Variants in TSNARE1 observed in about 807,000 individuals in gnomAD.
TSNARE1 encodes t-SNARE domain containing 1.
A neutral mutation model predicts 62.0 loss-of-function variants in TSNARE1; 49 were observed. The observed-to-expected ratio is 0.79, with a 90% confidence interval of 0.63 to 1.00. The LOEUF (loss-of-function observed/expected upper bound fraction) is 1.00. TSNARE1 is among the 50% of genes least tolerant of loss of function. TSNARE1 has a pLI of 0.00. For synonymous variants in TSNARE1, 328 were observed against 294.4 expected (o/e 1.11, Z -1.17); for missense variants, 755 against 700.1 (o/e 1.08, Z -0.88).
intron 6 of TSNARE1, among the ~76,000 whole-genome samples, chr8:142,320,536 C>A (rs189122953): frequency 6.6e-6 from 1 of 152,184 alleles, no homozygotes; most frequent in African/African-American, 2.4e-5. Flanking sequence ...TCTAGGCCCA[C>A]GTGGGTGGCC....
chr8:142,256,364 CCATCAT>C (rs1471921593), intron 12 of TSNARE1, among the ~76,000 whole-genome samples: 2 of 126,536 alleles, frequency 1.6e-5, no homozygotes, highest in Admixed American at 7.9e-5. Context: ...ATTATCACCA[CCATCAT>C]CACCACCATC....
At chr8:142,253,237 T>A (rs1563778692) in intron 12 of TSNARE1, among the ~76,000 whole-genome samples, 2 of 152,152 alleles carry the variant, frequency 1.3e-5, no homozygotes, top group African/African-American at 2.4e-5. Context: ...ACAGCAGTGG[T>A]GACGGCGGTG....
chr8:142,237,991 C>G (rs1232520208), intron 12 of TSNARE1, among the ~76,000 whole-genome samples: 2 of 152,112 alleles, frequency 1.3e-5, no homozygotes, highest in Admixed American at 1.3e-4. Flanking sequence ...GCCCACGCCA[C>G]CCGCCCAGGT....
At chr8:142,336,466 A>G (rs1403808520) in intron 4 of TSNARE1, among the ~76,000 whole-genome samples, 2 of 152,286 alleles carry the variant, frequency 1.3e-5, no homozygotes, top group South Asian at 2.1e-4. Flanking sequence ...AACCACAAAT[A>G]TAATAGAAAT....
intron 7 of TSNARE1, 150 bp from the exon 8 acceptor site, chr8:142,315,242 G>T: frequency 1.3e-6 from 1 of 765,958 alleles, no homozygotes; most frequent in Non-Finnish European, 2.1e-6. Flanking sequence ...TGTCACCGTC[G>T]TCTCCACAGG....
chr8:142,311,289 A>AGTTTT (rs1827545366), intron 9 of TSNARE1, among the ~76,000 whole-genome samples: 1 of 68,800 alleles, frequency 1.5e-5, no homozygotes, highest in African/African-American at 7.3e-5. Context: ...CAGCCTCTCT[A>AGTTTT]GTTTTTTTTT....
At chr8:142,330,301 C>A (rs1315469439) in intron 6 of TSNARE1, among the ~76,000 whole-genome samples, 1 of 152,216 alleles carries the variant, frequency 6.6e-6, no homozygotes, top group Non-Finnish European at 1.5e-5. Flanking sequence ...CGCTCCCCAG[C>A]CCAGCCAGGG....
At chr8:142,292,513 G>A (rs1823969171) in intron 10 of TSNARE1, among the ~76,000 whole-genome samples, 1 of 152,156 alleles carries the variant, frequency 6.6e-6, no homozygotes, top group Non-Finnish European at 1.5e-5. Context: ...CAGGGCGGGA[G>A]CCACAGGCTA....
At chr8:142,363,606 T>G (rs1187762253) in intron 1 of TSNARE1, among the ~76,000 whole-genome samples, 1 of 152,152 alleles carries the variant, frequency 6.6e-6, no homozygotes, top group African/African-American at 2.4e-5. Context: ...CAGGGAATCC[T>G]GAGCTGCCCA....
chr8:142,300,957 G>A (rs1411690212), intron 9 of TSNARE1, among the ~76,000 whole-genome samples: 2 of 141,058 alleles, frequency 1.4e-5, no homozygotes, highest in African/African-American at 5.4e-5. Context: ...GGGTGGGCAG[G>A]AGGCAGGAAG....
intron 1 of TSNARE1, among the ~76,000 whole-genome samples, chr8:142,384,617 G>A (rs941988540): frequency 7.2e-5 from 11 of 152,154 alleles, no homozygotes; most frequent in Admixed American, 3.3e-4. Flanking sequence ...TGGAAAGACT[G>A]GATAGCCCCA....
At chr8:142,348,325 G>A (rs923234793) in intron 2 of TSNARE1, among the ~76,000 whole-genome samples, 7 of 152,104 alleles carry the variant, frequency 4.6e-5, no homozygotes, top group Admixed American at 2.6e-4. Context: ...GTAACACATC[G>A]TCTCCCTAAA....
At chr8:142,387,590 T>TA (rs143261643) in intron 1 of TSNARE1, among the ~76,000 whole-genome samples, 3,581 of 151,560 alleles carry the variant, frequency 0.024, 49 homozygotes, top group East Asian at 0.047. Context: ...CCAAAGATAT[T>TA]AAAAGAGTCA....
At chr8:142,252,468 G>A (rs926377955) in intron 12 of TSNARE1, among the ~76,000 whole-genome samples, 2 of 152,246 alleles carry the variant, frequency 1.3e-5, no homozygotes, top group African/African-American at 2.4e-5. Context: ...TTGAGGTGGT[G>A]CTGCCGGCGA....
chr8:142,236,993 A>T lies in TSNARE1; in HGVS notation c.1447-7414T>A, dbSNP rs565443691. Among the ~76,000 whole-genome samples, 186 of 152,314 alleles carry T rather than the reference A, an allele frequency of 1.2e-3. 1 individual carries two copies. The highest frequency in any genetic ancestry group is 4.3e-3 in the African/African-American group (179 of 41,568). ...TTCTGAGTCCAGACCTGAAGGCAGGAAGGGAAGAGCCCATGGTTATGAGGG... is the reference window on the plus strand; with the variant it reads ...TTCTGAGTCCAGACCTGAAGGCAGGTAGGGAAGAGCCCATGGTTATGAGGG... On this transcript the variant is annotated intron_variant, in intron 12 of 13. Coordinates refer to ENST00000524325, the MANE Select transcript of TSNARE1 (RefSeq NM_145003.5).
At chr8:142,342,407 C>A (rs1258202636) in intron 4 of TSNARE1, among the ~76,000 whole-genome samples, 1 of 152,188 alleles carries the variant, frequency 6.6e-6, no homozygotes, top group African/African-American at 2.4e-5. Context: ...GCGGTCCTCG[C>A]CACACACTGG....
chr8:142,274,512 C>A (rs1820106284), intron 12 of TSNARE1: 2 of 985,376 alleles, frequency 2.0e-6, no homozygotes, highest in East Asian at 1.1e-4. Context: ...CGGCTGCACC[C>A]CGGATCCATG....
intron 2 of TSNARE1, among the ~76,000 whole-genome samples, chr8:142,346,394 T>G (rs1833371163): frequency 6.6e-6 from 1 of 152,228 alleles, no homozygotes; most frequent in Non-Finnish European, 1.5e-5. Flanking sequence ...AGACGCGTGC[T>G]CCCCATCTCC....
intron 11 of TSNARE1, chr8:142,278,930 G>A (rs770223755): frequency 2.8e-5 from 11 of 388,364 alleles, no homozygotes; most frequent in East Asian, 1.6e-4. Context: ...ACTCCTCAAC[G>A]TGACCAATGA....
Sources: allele counts gnomAD v4.1 joint callset (sites outside exome capture counted in the v4.1 genomes callset), GRCh38; gene constraint gnomAD v4.1.1; transcripts MANE v1.5; gene names NCBI Gene and HGNC (gene_info 2026-07-23, HGNC 2026-07-21).